Variants in ADAMTS14 observed in about 807,000 individuals in gnomAD.
ADAMTS14 encodes the protein ADAM metallopeptidase with thrombospondin type 1 motif 14.
A neutral mutation model predicts 128.6 loss-of-function variants in ADAMTS14; 100 were observed. The observed-to-expected ratio is 0.78, with a 90% CI of 0.66 to 0.92. The LOEUF (loss-of-function observed/expected upper bound fraction) is 0.92. ADAMTS14 is among the 40% of genes least tolerant of loss of function. ADAMTS14 has a pLI of 0.00. For synonymous variants in ADAMTS14, 665 were observed against 653.8 expected, an observed-to-expected ratio of 1.02 and a Z score of -0.26; for missense variants, 1,562 against 1,658.6, an observed-to-expected ratio of 0.94 and a Z score of 1.01.
At chr10:70,692,133 C>G (rs543526748) in intron 2 of ADAMTS14, among the ~76,000 whole-genome samples, 1 of 151,974 alleles carries the variant, frequency 6.6e-6, no homozygotes, top group African/African-American at 2.4e-5. Context: ...GGGAGGTCGC[C>G]GTAGTTTTGT....
intron 4 of ADAMTS14, among the ~76,000 whole-genome samples, chr10:70,713,239 G>A (rs867058354): frequency 1.3e-5 from 2 of 152,068 alleles, no homozygotes; most frequent in Non-Finnish European, 2.9e-5. Flanking sequence ...CTGCTCCCCA[G>A]CTGGCTTCAC....
intron 15 of ADAMTS14, among the ~76,000 whole-genome samples, chr10:70,746,144 C>T (rs1249854598): frequency 6.6e-6 from 1 of 152,154 alleles, no homozygotes; most frequent in Non-Finnish European, 1.5e-5. Flanking sequence ...CACACAGGCC[C>T]TTACATTATT....
chr10:70,674,274 A>G (rs1441680885), intron 1 of ADAMTS14, among the ~76,000 whole-genome samples: 1 of 152,180 alleles, frequency 6.6e-6, no homozygotes, highest in Non-Finnish European at 1.5e-5. Context: ...TCTTGTTGCT[A>G]GTGACCGGGC....
chr10:70,694,184 G>A (rs1344103618), intron 2 of ADAMTS14, among the ~76,000 whole-genome samples: 2 of 152,210 alleles, frequency 1.3e-5, no homozygotes, highest in African/African-American at 2.4e-5. Context: ...GCTGACTCCC[G>A]CTTCCGTGGT....
intron 4 of ADAMTS14, among the ~76,000 whole-genome samples, chr10:70,728,866 G>A (rs1270219015): frequency 6.6e-6 from 1 of 152,222 alleles, no homozygotes; most frequent in Non-Finnish European, 1.5e-5. Context: ...CCGGGGTACT[G>A]TAGGGCAGAC....
intron 2 of ADAMTS14, among the ~76,000 whole-genome samples, chr10:70,688,987 C>CATCACCTTCATCATCAACATTAGCA (rs1445371410): frequency 2.8e-5 from 4 of 142,264 alleles, no homozygotes; most frequent in Non-Finnish European, 4.8e-5. Flanking sequence ...CCAAGCCACT[C>CATCACCTTCATCATCAACATTAGCA]CCGTCCCCCA....
Position 70,761,254 on chromosome 10 carries a change from C to T in ADAMTS14, c.*401C>T. 5.8e-6 allele frequency: 1 copy of T among 171,614 alleles called. No homozygotes were observed. The allele number at this position is 171,614 out of a possible 1,614,324, so 10.6% of individuals were successfully genotyped here. Reference sequence around the variant, plus strand: ...GAACTGTGAGGACCCCTGTGGAGGCCCTGCATATTTGGCCCCTCTCCCCAG... The same window carrying T: ...GAACTGTGAGGACCCCTGTGGAGGCTCTGCATATTTGGCCCCTCTCCCCAG... On this transcript the variant is annotated 3_prime_UTR_variant, in exon 22 of 22. Coordinates refer to ENST00000373207, the MANE Select transcript of ADAMTS14 (RefSeq NM_080722.4).
intron 19 of ADAMTS14, 50 bp from the exon 20 acceptor site, chr10:70,757,912 A>G (rs777438562): frequency 3.9e-6 from 6 of 1,542,970 alleles, no homozygotes; most frequent in Admixed American, 1.9e-5. Flanking sequence ...TCTTCTCTCC[A>G]CCTACCCTGA....
At chr10:70,745,543 C>G in intron 15 of ADAMTS14, 1 of 546,744 alleles carries the variant, frequency 1.8e-6, no homozygotes, top group South Asian at 2.0e-5. Context: ...CCTTTCTACC[C>G]CTGTACCCTG....
rs1252167830 is a variant in ADAMTS14, at chr10:70,702,398, A to T, written c.609A>T (p.Thr203=). The change falls in exon 3 of 22, where the codon ACA becomes ACT. Residue 203 remains threonine, a synonymous_variant. Transcript: ENST00000373207. ...GQQEKEASGR[T]HVVYRREAVQ... Reference sequence around the variant, plus strand: ...AGGAGAAGGAGGCCAGCGGGAGGACACATGTGGTGTACCGCCGGGAGGCCG... The same window carrying T: ...AGGAGAAGGAGGCCAGCGGGAGGACTCATGTGGTGTACCGCCGGGAGGCCG... The T allele has an allele frequency of 6.2e-7, 1 of 1,614,072 alleles. No homozygotes were observed. Among genetic ancestry groups the T allele is most frequent in the East Asian group, 2.2e-5 (1 of 44,878 alleles).
At position 70,738,830 on chromosome 10, in the gene ADAMTS14, G is replaced by T; in HGVS notation, c.1600-12G>T. The T allele has an allele frequency of 5.6e-6, 9 of 1,613,746 alleles. No homozygotes were observed. Among genetic ancestry groups the T allele is most frequent in the Non-Finnish European group, 7.6e-6 (9 of 1,179,992 alleles). ...AGCCCAGGGTGACCTCATGCCCTCT[G>T]CTCTGCCCCAGTGGTGCTTCAAAGG... On this transcript the variant is annotated splice_polypyrimidine_tract_variant and intron_variant, in intron 10 of 21. Coordinates refer to ENST00000373207, the MANE Select transcript of ADAMTS14 (RefSeq NM_080722.4).
At chr10:70,712,306 C>T (rs1840887252) in intron 4 of ADAMTS14, among the ~76,000 whole-genome samples, 1 of 152,182 alleles carries the variant, frequency 6.6e-6, no homozygotes, top group Admixed American at 6.5e-5. Context: ...TGGTAGGAAC[C>T]TGGGTCCCAC....
rs542201703 is a variant in ADAMTS14, at chr10:70,695,552, A to G, written c.523-6760A>G. Among the ~76,000 whole-genome samples, 70 of 152,248 alleles carry G rather than the reference A, an allele frequency of 4.6e-4. 1 individual carries two copies. Among genetic ancestry groups the G allele is most frequent in the Admixed American group, 2.8e-3 (43 of 15,294 alleles). On this transcript the variant is annotated intron_variant, in intron 2 of 21. Coordinates refer to ENST00000373207, the MANE Select transcript of ADAMTS14 (RefSeq NM_080722.4). Reference sequence around the variant, plus strand: ...GTGTTGCTTTCAGCTGAACTGACTGATGGAACCACCAGGGTTGGGGGACTT... The same window carrying G: ...GTGTTGCTTTCAGCTGAACTGACTGGTGGAACCACCAGGGTTGGGGGACTT...
chr10:70,751,565 A>G lies in ADAMTS14; in HGVS notation c.2515A>G (p.Asn839Asp). ...GGACCTGCTGCCCCTTATCGGGAGC[A>G]ACAATGTGCTCCTGGAGGAGATGGA... is the stretch of plus-strand genomic sequence containing the variant. ...HEDLLPLIGS[N>D]NVLLEEMDTY... Residue 839 changes from asparagine (N) to aspartate (D), a missense_variant, in exon 17 of 22, where the codon AAC (asparagine) becomes GAC (aspartate). Coordinates refer to ENST00000373207, the MANE Select transcript of ADAMTS14 (RefSeq NM_080722.4). 1 of 1,613,866 alleles carries G rather than the reference A, an allele frequency of 6.2e-7. No homozygotes were observed. The highest frequency in any genetic ancestry group is 8.5e-7 in the Non-Finnish European group (1 of 1,179,780).
intron 4 of ADAMTS14, among the ~76,000 whole-genome samples, chr10:70,709,843 A>G (rs986666983): frequency 6.6e-6 from 1 of 152,216 alleles, no homozygotes; most frequent in African/African-American, 2.4e-5. Flanking sequence ...CCCACTGTGG[A>G]TGCCAAACAA....
intron 4 of ADAMTS14, among the ~76,000 whole-genome samples, chr10:70,721,890 C>T (rs1016983697): frequency 6.6e-6 from 1 of 152,208 alleles, no homozygotes; most frequent in Non-Finnish European, 1.5e-5. Context: ...GCTCCACTGG[C>T]ATCCTTGGAT....
chr10:70,728,185 A>G (rs1841506066), intron 4 of ADAMTS14, among the ~76,000 whole-genome samples: 1 of 152,122 alleles, frequency 6.6e-6, no homozygotes, highest in African/African-American at 2.4e-5. Context: ...CACCGTGCCT[A>G]TGCCCGGTCA....
chr10:70,752,010 C>T (rs1842364101), intron 17 of ADAMTS14, 85 bp from the exon 18 acceptor site: 1 of 1,532,392 alleles, frequency 6.5e-7, no homozygotes, highest in Non-Finnish European at 8.8e-7. Context: ...CCACAAGGCT[C>T]TCCACAGGTA....
intron 2 of ADAMTS14, among the ~76,000 whole-genome samples, chr10:70,701,620 T>C (rs1236226146): frequency 6.6e-6 from 1 of 152,248 alleles, no homozygotes; most frequent in Non-Finnish European, 1.5e-5. Flanking sequence ...TTCTGGACTT[T>C]GCCAACATAT....
Sources: allele counts gnomAD v4.1 joint callset (sites outside exome capture counted in the v4.1 genomes callset), GRCh38; gene constraint gnomAD v4.1.1; transcripts MANE v1.5; gene names NCBI Gene and HGNC (gene_info 2026-07-23, HGNC 2026-07-21).